Variants in RBFOX1 observed in about 807,000 individuals in gnomAD.
RBFOX1 encodes the protein RNA binding protein fox-1 homolog 1.
Under a neutral mutation model 57.7 loss-of-function variants are expected in RBFOX1, and 8 were observed. The ratio of observed to expected loss-of-function variants is 0.14; its 90% CI spans 0.08 to 0.25. The LOEUF is 0.25. Among genes scored for constraint, RBFOX1 ranks in the 10% least tolerant of loss-of-function variants. The pLI is 1.00. For synonymous variants in RBFOX1, 326 were observed against 222.4 expected, an observed-to-expected ratio of 1.47 and a Z score of -4.15; for missense variants, 611 against 548.5, an observed-to-expected ratio of 1.11 and a Z score of -1.14.
chr16:7,072,024 G>A (rs780949749), intron 4 of RBFOX1, among the ~76,000 whole-genome samples: 29 of 152,238 alleles, frequency 1.9e-4, no homozygotes, highest in Admixed American at 2.6e-4. Context: ...CCTACTCGAA[G>A]TCATAACGAT....
chr16:7,010,634 A>G (rs79998341), intron 3 of RBFOX1, among the ~76,000 whole-genome samples: 3,433 of 151,966 alleles, frequency 0.023, 124 homozygotes, highest in African/African-American at 0.077. Context: ...ACTTAAACCA[A>G]TGGCTCTCTG....
intron 3 of RBFOX1, among the ~76,000 whole-genome samples, chr16:6,693,605 A>T (rs373194044): frequency 0.017 from 2,482 of 150,020 alleles, 66 homozygotes; most frequent in African/African-American, 0.058. Flanking sequence ...TACCATCACC[A>T]CCATCATCAT....
At chr16:6,095,458 A>G (rs1486810635) in intron 1 of RBFOX1, among the ~76,000 whole-genome samples, 1 of 152,190 alleles carries the variant, frequency 6.6e-6, no homozygotes, top group Non-Finnish European at 1.5e-5. Flanking sequence ...CAGGTCAGAC[A>G]GTCCCAGCAT....
At chr16:6,803,429 G>C (rs142444116) in intron 3 of RBFOX1, among the ~76,000 whole-genome samples, 1 of 152,120 alleles carries the variant, frequency 6.6e-6, no homozygotes, top group Admixed American at 6.5e-5. Flanking sequence ...TGAGAGTGGC[G>C]TTCTGGCCTT....
chr16:6,178,118 T>C (rs2097028086), intron 1 of RBFOX1, among the ~76,000 whole-genome samples: 1 of 151,944 alleles, frequency 6.6e-6, no homozygotes, highest in Non-Finnish European at 1.5e-5. Flanking sequence ...AATATTTGGT[T>C]ATGGTCATGG....
chr16:5,540,791 T>C (rs1037450283), intron 2 of RBFOX1, among the ~76,000 whole-genome samples: 1 of 152,184 alleles, frequency 6.6e-6, no homozygotes, highest in African/African-American at 2.4e-5. Context: ...CTTTTTGGAG[T>C]GCAGAATCTC....
chr16:6,993,966 A>C (rs544773915), intron 3 of RBFOX1, among the ~76,000 whole-genome samples: 1 of 152,182 alleles, frequency 6.6e-6, no homozygotes, highest in Non-Finnish European at 1.5e-5. Context: ...AAGATTATGC[A>C]GGGAAGAGGG....
At chr16:6,344,954 C>G (rs372783026) in intron 2 of RBFOX1, among the ~76,000 whole-genome samples, 1 of 152,024 alleles carries the variant, frequency 6.6e-6, no homozygotes, top group Non-Finnish European at 1.5e-5. Flanking sequence ...TGTGAGCCAC[C>G]GAGCCCGGCC....
intron 14 of RBFOX1, among the ~76,000 whole-genome samples, chr16:7,692,881 T>C (rs1598253257): frequency 9.9e-6 from 1 of 100,922 alleles, no homozygotes; most frequent in Non-Finnish European, 2.3e-5. Context: ...ATGACAGCAC[T>C]TTTTCTTATT....
chr16:6,370,710 C>G (rs1322771749), intron 2 of RBFOX1, among the ~76,000 whole-genome samples: 1 of 152,000 alleles, frequency 6.6e-6, no homozygotes, highest in African/African-American at 2.4e-5. Flanking sequence ...TGATGTTTAA[C>G]GGGTATAGAA....
chr16:6,182,861 C>T (rs1449106809), intron 1 of RBFOX1, among the ~76,000 whole-genome samples: 2 of 152,050 alleles, frequency 1.3e-5, no homozygotes, highest in Non-Finnish European at 2.9e-5. Flanking sequence ...AAGAATAGAA[C>T]ACATTCTCAA....
chr16:7,688,260 T>TGTGTGAGAGAGAGA (rs1319185243), intron 14 of RBFOX1, among the ~76,000 whole-genome samples: 8 of 125,296 alleles, frequency 6.4e-5, no homozygotes, highest in African/African-American at 1.8e-4. Context: ...TGTGTGTGTG[T>TGTGTGAGAGAGAGA]GAGAGAGAGA....
chr16:7,607,164 C>T, intron 9 of RBFOX1, 121 bp from the exon 10 acceptor site: 1 of 840,700 alleles, frequency 1.2e-6, no homozygotes, highest in Non-Finnish European at 1.8e-6. Context: ...CAAACGACAC[C>T]TCCTTTACAT....
At chr16:5,741,016 AT>A (rs2052752065) in intron 3 of RBFOX1, among the ~76,000 whole-genome samples, 1 of 152,174 alleles carries the variant, frequency 6.6e-6, no homozygotes, top group Non-Finnish European at 1.5e-5. Context: ...AAATTAAAAA[AT>A]GTCTATGTCT....
intron 14 of RBFOX1, among the ~76,000 whole-genome samples, chr16:7,688,068 C>T (rs1221171597): frequency 1.3e-5 from 2 of 152,024 alleles, no homozygotes; most frequent in African/African-American, 4.8e-5. Flanking sequence ...CTAAAAACCT[C>T]TGCCTTATAA....
intron 4 of RBFOX1, among the ~76,000 whole-genome samples, chr16:7,353,014 C>T (rs2097155188): frequency 6.6e-6 from 1 of 152,128 alleles, no homozygotes; most frequent in Non-Finnish European, 1.5e-5. Context: ...CTGCACCCAG[C>T]CCATACCACT....
chr16:6,029,084 C>G (rs553216847), intron 1 of RBFOX1, among the ~76,000 whole-genome samples: 122 of 152,272 alleles, frequency 8.0e-4, no homozygotes, highest in Non-Finnish European at 1.3e-3. Context: ...GAGCTAGTCA[C>G]TTCTTATTTT....
chr16:5,940,395 T>G (rs960178024), intron 4 of RBFOX1, among the ~76,000 whole-genome samples: 3 of 152,154 alleles, frequency 2.0e-5, no homozygotes, highest in Non-Finnish European at 4.4e-5. Context: ...ATCCTCCTAT[T>G]AGCCCTGTGT....
intron 4 of RBFOX1, among the ~76,000 whole-genome samples, chr16:5,911,042 A>T (rs1349075016): frequency 1.3e-5 from 2 of 152,150 alleles, no homozygotes; most frequent in African/African-American, 2.4e-5. Flanking sequence ...CATACCCCAA[A>T]TAAACTACTT....
Sources: gnomAD v4.1 joint callset for allele counts (sites outside exome capture counted in the v4.1 genomes callset) on GRCh38, gnomAD v4.1.1 for gene constraint, MANE v1.5 for transcripts, NCBI Gene and HGNC (gene_info 2026-07-23, HGNC 2026-07-21) for gene names.